Variants in SMYD3 observed in about 807,000 individuals in gnomAD.
SMYD3 encodes SET and MYND domain containing 3, also known as histone-lysine N-methyltransferase SMYD3.
In SMYD3, 36 loss-of-function variants were observed where a neutral mutation model predicts 57.7. The ratio of observed to expected loss-of-function variants is 0.62; its 90% CI spans 0.48 to 0.82. SMYD3 has a LOEUF of 0.82. Among genes scored for constraint, SMYD3 ranks in the 40% least tolerant of loss-of-function variants. The probability of loss-of-function intolerance (pLI) is 0.00; values close to 1 mark genes in which losing one functional copy is unlikely to be tolerated. For missense variants in SMYD3, 515 were observed against 538.8 expected (o/e 0.96, Z 0.44); for synonymous variants, 211 against 195.0 (o/e 1.08, Z -0.68).
intron 5 of SMYD3, among the ~76,000 whole-genome samples, chr1:246,277,458 A>C (rs1438625602): frequency 1.3e-5 from 2 of 152,278 alleles, no homozygotes; most frequent in Non-Finnish European, 2.9e-5. Context: ...AAACAAGCAA[A>C]CACCACCACC....
intron 10 of SMYD3, among the ~76,000 whole-genome samples, chr1:245,803,236 T>C (rs2047959667): frequency 6.6e-6 from 1 of 152,232 alleles, no homozygotes; most frequent in Non-Finnish European, 1.5e-5. Flanking sequence ...GTGCAAGCAC[T>C]CTGTCATTTG....
chr1:246,191,151 A>G (rs1171707338), intron 5 of SMYD3, among the ~76,000 whole-genome samples: 1 of 152,230 alleles, frequency 6.6e-6, no homozygotes, highest in Non-Finnish European at 1.5e-5. Context: ...GGTACCAATT[A>G]AAGACCAACT....
intron 8 of SMYD3, among the ~76,000 whole-genome samples, chr1:245,891,865 A>T (rs2053403886): frequency 6.6e-6 from 1 of 152,192 alleles, no homozygotes; most frequent in Admixed American, 6.5e-5. Context: ...CAATACAGTG[A>T]GACTCCATCT....
chr1:246,455,779 A>C (rs4654259), intron 1 of SMYD3, among the ~76,000 whole-genome samples: 1 of 152,146 alleles, frequency 6.6e-6, no homozygotes, highest in African/African-American at 2.4e-5. Context: ...TCTGAAAAGG[A>C]TTCTTGGAAA....
At chr1:245,972,895 A>G (rs1248293071) in intron 5 of SMYD3, among the ~76,000 whole-genome samples, 3 of 152,226 alleles carry the variant, frequency 2.0e-5, no homozygotes, top group Non-Finnish European at 4.4e-5. Flanking sequence ...CTTTGAAGCT[A>G]CTCAATTATC....
chr1:245,849,839 G>A (rs984006050), intron 10 of SMYD3, among the ~76,000 whole-genome samples: 4 of 152,024 alleles, frequency 2.6e-5, no homozygotes, highest in Non-Finnish European at 5.9e-5. Context: ...TTTTAGTAGA[G>A]ATGGGGTTTC....
intron 5 of SMYD3, among the ~76,000 whole-genome samples, chr1:245,991,677 G>T (rs1159108585): frequency 6.6e-6 from 1 of 152,248 alleles, no homozygotes; most frequent in Non-Finnish European, 1.5e-5. Flanking sequence ...CAAGAAGGCA[G>T]GTGGCTTCTT....
At chr1:246,011,783 A>G (rs1006536668) in intron 5 of SMYD3, among the ~76,000 whole-genome samples, 1 of 152,160 alleles carries the variant, frequency 6.6e-6, no homozygotes, top group Non-Finnish European at 1.5e-5. Context: ...GATCACACAC[A>G]AACTCCTTAT....
intron 5 of SMYD3, among the ~76,000 whole-genome samples, chr1:246,166,284 C>T (rs2062208838): frequency 6.6e-6 from 1 of 152,148 alleles, no homozygotes; most frequent in Non-Finnish European, 1.5e-5. Flanking sequence ...ACGTTCCCTT[C>T]ACAGTCCTAA....
intron 5 of SMYD3, among the ~76,000 whole-genome samples, chr1:245,970,991 T>G (rs974706886): frequency 1.3e-5 from 2 of 152,194 alleles, no homozygotes; most frequent in East Asian, 3.8e-4. Context: ...TAAAGACACA[T>G]GCACACATAT....
At chr1:246,506,146 G>A (rs898966383) in intron 1 of SMYD3, among the ~76,000 whole-genome samples, 1 of 152,194 alleles carries the variant, frequency 6.6e-6, no homozygotes, top group Non-Finnish European at 1.5e-5. Context: ...AAGCGGCCAT[G>A]CACAAAATCA....
intron 5 of SMYD3, among the ~76,000 whole-genome samples, chr1:246,087,306 T>C (rs2060737215): frequency 6.6e-6 from 1 of 152,192 alleles, no homozygotes; most frequent in Admixed American, 6.5e-5. Context: ...GACCAACATC[T>C]TTCTTCCCTA....
At chr1:245,843,861 C>T (rs540477708) in intron 10 of SMYD3, among the ~76,000 whole-genome samples, 2 of 152,274 alleles carry the variant, frequency 1.3e-5, no homozygotes, top group African/African-American at 4.8e-5. Flanking sequence ...AACTCAGAAT[C>T]TGAAAGCTAG....
intron 5 of SMYD3, among the ~76,000 whole-genome samples, chr1:246,116,852 T>C (rs2061349572): frequency 6.6e-6 from 1 of 152,070 alleles, no homozygotes; most frequent in Admixed American, 6.6e-5. Flanking sequence ...AACGGGAAAA[T>C]TTTCACAGGC....
chr1:245,759,117 T>C (rs565005995), intron 11 of SMYD3, among the ~76,000 whole-genome samples: 2 of 152,336 alleles, frequency 1.3e-5, no homozygotes, highest in South Asian at 2.1e-4. Flanking sequence ...ATCACTGTGT[T>C]TGCATTTTAT....
intron 5 of SMYD3, among the ~76,000 whole-genome samples, chr1:246,251,172 T>C (rs951351447): frequency 2.0e-5 from 3 of 152,062 alleles, no homozygotes; most frequent in Non-Finnish European, 2.9e-5. Flanking sequence ...AAAAGTCCAT[T>C]TGAGTTGGGA....
chr1:245,894,810 G>A (rs1396019318), intron 8 of SMYD3, among the ~76,000 whole-genome samples: 1 of 152,146 alleles, frequency 6.6e-6, no homozygotes, highest in Non-Finnish European at 1.5e-5. Flanking sequence ...TGAGCTGGAG[G>A]CTTATGAAGC....
rs1255077016 is a variant in SMYD3 at position 245,854,400 on chromosome 1, G to C, written c.1076+4096C>G. Among the ~76,000 whole-genome samples the C allele has an allele frequency of 2.6e-5, 4 of 152,076 alleles. No homozygotes were observed. In the East Asian group the frequency reaches 7.7e-4, roughly 29 times the overall value. ...TACCCTATGGATTCAATTAATCATG[G>C]CACTGTTTGACACAGTACACATAAA... On this transcript the variant is annotated intron_variant, in intron 10 of 11. Transcript: ENST00000490107.
chr1:245,969,984 A>G (rs566952526), intron 5 of SMYD3, among the ~76,000 whole-genome samples: 32 of 119,174 alleles, frequency 2.7e-4, no homozygotes, highest in African/African-American at 8.3e-4. Flanking sequence ...ATGGAGCCCA[A>G]AAAGAGCCCA....
Sources: gnomAD v4.1 joint callset for allele counts (sites outside exome capture counted in the v4.1 genomes callset) on GRCh38, gnomAD v4.1.1 for gene constraint, MANE v1.5 for transcripts, NCBI Gene and HGNC (gene_info 2026-07-23, HGNC 2026-07-21) for gene names.